PIEZO1: variants seen among roughly 807,000 people sequenced by gnomAD.
PIEZO1 encodes the protein piezo-type mechanosensitive ion channel component 1.
Under a neutral mutation model 297.2 loss-of-function variants are expected in PIEZO1, and 296 were observed. The observed-to-expected ratio is 1.00, with a 90% CI of 0.91 to 1.10. The LOEUF is 1.10. Among genes scored for constraint, PIEZO1 ranks in the 50% least tolerant of loss-of-function variants. The probability of loss-of-function intolerance (pLI) is 0.00; values close to 1 mark genes in which losing one functional copy is unlikely to be tolerated. For missense variants in PIEZO1, 5,018 were observed against 3,455.5 expected, an observed-to-expected ratio of 1.45 and a Z score of -11.34; for synonymous variants, 2,427 against 1,507.5, an observed-to-expected ratio of 1.61 and a Z score of -14.13.
intron 1 of PIEZO1, among the ~76,000 whole-genome samples, chr16:88,759,508 C>G (rs1013767878): frequency 8.5e-5 from 13 of 152,196 alleles, no homozygotes; most frequent in Admixed American, 6.5e-4. Flanking sequence ...TAAACACTCC[C>G]GTGCTAGTGC....
At chr16:88,764,608 G>C (rs923066777) in intron 1 of PIEZO1, among the ~76,000 whole-genome samples, 2 of 151,816 alleles carry the variant, frequency 1.3e-5, no homozygotes, top group Admixed American at 1.3e-4. Context: ...AAAATTAGCC[G>C]GGCATGGTGG....
At position 88,783,635 on chromosome 16, in the gene PIEZO1, C is replaced by A. The variant is rs561341978; in HGVS notation, c.64+1266G>T. Among the ~76,000 whole-genome samples, 35 of 152,342 alleles carry A rather than the reference C, an allele frequency of 2.3e-4. No homozygotes were observed. The South Asian group carries it at 4.4e-3, about 19-fold the overall frequency. The stretch of plus-strand genomic sequence containing the variant: ...AAGGAACACAGCCGGGCCCTGTTTA[C>A]GGCCCATCTGACCCTGCACTGGGAG... On this transcript the variant is annotated intron_variant, in intron 1 of 50. Coordinates refer to ENST00000301015, the MANE Select transcript of PIEZO1 (RefSeq NM_001142864.4).
Position 88,726,366 on chromosome 16 carries a change from G to A in PIEZO1, c.3886C>T (p.Leu1296=), listed in dbSNP as rs1304282899. The part of the protein sequence containing the change: ...IWDSVCFFFL[L]LQRRVFLSHY... ...CTAAGGAAGACGCGGCGCTGCAGCA[G>A]CAGGAAGAAGAAGCAGACGCTGTCC... The change falls in exon 27 of 51, where the codon CTG becomes TTG. Residue 1296 remains leucine (L), a synonymous_variant. Coordinates refer to ENST00000301015, the MANE Select transcript of PIEZO1 (RefSeq NM_001142864.4). The A allele has an allele frequency of 2.6e-6, 4 of 1,550,440 alleles. No individual in the cohort carries two copies. The Admixed American group carries it at 7.8e-5, about 30-fold the overall frequency.
At chr16:88,763,458 G>A (rs899688073) in intron 1 of PIEZO1, among the ~76,000 whole-genome samples, 4 of 152,184 alleles carry the variant, frequency 2.6e-5, no homozygotes, top group African/African-American at 4.8e-5. Context: ...CAGAAGGTTC[G>A]CTTGACCCTG....
At position 88,784,953 on chromosome 16, in the gene PIEZO1, G is replaced by A. The variant is rs1009719451; in HGVS notation, c.12C>T (p.His4=). Residue 4 remains histidine (H), a synonymous_variant, in exon 1 of 51, where the codon CAC becomes CAT. Transcript: ENST00000301015. The part of the protein sequence containing the change: MEP[H]VLGAVLYWLL... Reference sequence around the variant, plus strand: ...GCCAGTACAGGACCGCGCCGAGCACGTGCGGCTCCATGGCTGGAGGGCCCA... The same window carrying A: ...GCCAGTACAGGACCGCGCCGAGCACATGCGGCTCCATGGCTGGAGGGCCCA... The A allele has an allele frequency of 1.7e-5, 23 of 1,377,662 alleles. No individual in the cohort carries two copies. Among genetic ancestry groups the A allele is most frequent in the East Asian group, 3.3e-5 (1 of 30,040 alleles). The allele number at this position is 1,377,662 out of a possible 1,614,324, so 85.3% of individuals were successfully genotyped here.
chr16:88,779,416 T>G (rs1296160867), intron 1 of PIEZO1, among the ~76,000 whole-genome samples: 1 of 152,170 alleles, frequency 6.6e-6, no homozygotes, highest in Non-Finnish European at 1.5e-5. Context: ...CCGCCTGTGC[T>G]CAGCATCGCG....
chr16:88,726,693 T>TGGG, intron 25 of PIEZO1, 22 bp downstream of exon 25: 2 of 1,335,284 alleles, frequency 1.5e-6, no homozygotes, highest in Non-Finnish European at 2.0e-6. Flanking sequence ...GGGCGGTGGG[T>TGGG]GCGGGGGGGC....
intron 7 of PIEZO1, 43 bp downstream of exon 7, chr16:88,738,184 G>T (rs1221229493): frequency 6.5e-7 from 1 of 1,533,394 alleles, no homozygotes; most frequent in East Asian, 2.4e-5. Flanking sequence ...AGGTGGGCGG[G>T]ACCAGGGTGG....
intron 22 of PIEZO1, among the ~76,000 whole-genome samples, chr16:88,729,506 G>C (rs12932185): frequency 9.1e-4 from 105 of 115,270 alleles, no homozygotes; most frequent in African/African-American, 2.1e-3. Flanking sequence ...AGTGACCCTC[G>C]ATGCTGGGGA....
chr16:88,715,892 GC>G (rs370504431), intron 50 of PIEZO1, 38 bp from the exon 51 acceptor site: 171 of 1,540,258 alleles, frequency 1.1e-4, no homozygotes, highest in Non-Finnish European at 1.5e-4. Context: ...GCCGCCCGGA[GC>G]CCCCCGAGCT....
intron 7 of PIEZO1, 59 bp downstream of exon 7, chr16:88,738,168 C>A: frequency 6.5e-7 from 1 of 1,533,976 alleles, no homozygotes; most frequent in East Asian, 2.4e-5. Flanking sequence ...AGGGGCTAGA[C>A]GAGCCAGGTG....
At chr16:88,782,289 T>C (rs1907970615) in intron 1 of PIEZO1, among the ~76,000 whole-genome samples, 1 of 151,888 alleles carries the variant, frequency 6.6e-6, no homozygotes, top group South Asian at 2.1e-4. Flanking sequence ...TTTTAAATAT[T>C]TTTCATAGAG....
chr16:88,721,224 A>C lies in PIEZO1; in HGVS notation c.5610T>G (p.Ser1870Arg). Residue 1870 changes from serine (S) to arginine (R), a missense_variant, in exon 39 of 51, where the codon AGT becomes AGG. Ser to Arg is a moderately radical substitution (Grantham distance 110, BLOSUM62 -1). Coordinates refer to ENST00000301015, the MANE Select transcript of PIEZO1 (RefSeq NM_001142864.4). Reference sequence around the variant, plus strand: ...CCTTCTTCCTTCTTCTAAAACGTAGACTGATGCGCCTCGTATCACGGGGCC... The same window carrying C: ...CCTTCTTCCTTCTTCTAAAACGTAGCCTGATGCGCCTCGTATCACGGGGCC... ...ELRPRDTRRISLRFRRRKKEG... is the reference protein window; with the variant it reads ...ELRPRDTRRIRLRFRRRKKEG... The C allele has an allele frequency of 1.3e-6, 2 of 1,537,222 alleles. No individual in the cohort carries two copies.
chr16:88,731,916 G>A lies in PIEZO1; in HGVS notation c.2992-6C>T. The A allele has an allele frequency of 1.1e-5, 4 of 366,010 alleles. No homozygotes were observed. Among genetic ancestry groups the A allele is most frequent in the South Asian group, 1.5e-4 (2 of 13,652 alleles). 22.7% of individuals were successfully genotyped at this position (366,010 alleles called of 1,614,324 possible). A position where few individuals can be genotyped will look rare whatever the true frequency, so the allele number is the denominator to read the frequency against. ...ACGGCCATCAGGAAGCAGATCTGGG[G>A]AGGGGAGAGGGCGGGGTGTGGGGAT... On this transcript the variant is annotated splice_polypyrimidine_tract_variant and splice_region_variant and intron_variant, in intron 21 of 50. Coordinates refer to ENST00000301015, the MANE Select transcript of PIEZO1 (RefSeq NM_001142864.4).
At position 88,715,609 on chromosome 16, in the gene PIEZO1, T is replaced by C; in HGVS notation, c.7562A>G (p.Glu2521Gly). 6.5e-7 allele frequency: 1 copy of C among 1,549,494 alleles called. No individual in the cohort carries two copies. The highest frequency in any genetic ancestry group is 8.7e-7 in the Non-Finnish European group (1 of 1,146,688). ...ETMIKWTREK[E>G] Reference sequence around the variant, plus strand: ...CTCGGGCGCCAGCAGCAGCTCCTACTCCTTCTCACGAGTCCACTTGATCAT... The same window carrying C: ...CTCGGGCGCCAGCAGCAGCTCCTACCCCTTCTCACGAGTCCACTTGATCAT... The change falls in exon 51 of 51, where the codon GAG becomes GGG. Residue 2521 changes from glutamate to glycine, a missense_variant. By Grantham distance (98) the Glu-to-Gly change is moderately conservative. Transcript: ENST00000301015.
At chr16:88,731,963 A>ATGCACTGAGTCTGGGGGATGGCGGGG (rs1370150013) in intron 21 of PIEZO1, 53 bp from the exon 22 acceptor site, 1 of 8,878 alleles carries the variant, frequency 1.1e-4, no homozygotes, top group Non-Finnish European at 1.8e-4. Context: ...GGGGGGAGGG[A>ATGCACTGAGTCTGGGGGATGGCGGGG]CTTTCTTGTC....
intron 1 of PIEZO1, among the ~76,000 whole-genome samples, chr16:88,778,468 T>C (rs1176222089): frequency 2.0e-5 from 3 of 152,194 alleles, no homozygotes; most frequent in Non-Finnish European, 4.4e-5. Flanking sequence ...AAATACTCCC[T>C]GTAATTATGC....
In PIEZO1 at chr16:88,735,079, A is replaced by G. The variant is rs1905115609; in HGVS notation, c.1670-26T>C. The G allele has an allele frequency of 3.2e-6, 5 of 1,549,962 alleles. No individual in the cohort carries two copies. The East Asian group carries it at 1.2e-4, about 38-fold the overall frequency. ...CTGTGGGCCAAGCCAGGGGCAGGCG[A>G]TGGCATCAGGGCGGGCAGGCAGGAG... On this transcript the variant is annotated intron_variant, in intron 13 of 50. Transcript: ENST00000301015.
intron 3 of PIEZO1, 83 bp from the exon 4 acceptor site, chr16:88,742,178 G>C (rs547182338): frequency 1.3e-6 from 2 of 1,514,696 alleles, no homozygotes; most frequent in Non-Finnish European, 1.8e-6. Flanking sequence ...GTTTCACCTG[G>C]ACCATCCAGG....
Sources: gnomAD v4.1 joint callset for allele counts (sites outside exome capture counted in the v4.1 genomes callset) on GRCh38, gnomAD v4.1.1 for gene constraint, MANE v1.5 for transcripts, NCBI Gene and HGNC (gene_info 2026-07-23, HGNC 2026-07-21) for gene names.